SATB2: variants seen among roughly 807,000 people sequenced by gnomAD.
The protein encoded by SATB2 is SATB homeobox 2, also known as DNA-binding protein SATB2.
SATB2 carries 1 observed loss-of-function variant against 73.4 expected under a neutral mutation model. The observed-to-expected ratio is 0.01, with a 90% CI of 0.00 to 0.06. The LOEUF (loss-of-function observed/expected upper bound fraction) is 0.06, where lower values mean the gene tolerates loss of function less well. SATB2 is among the 10% of genes least tolerant of loss of function. SATB2 has a pLI of 1.00. For missense variants in SATB2, 459 were observed against 945.8 expected, an observed-to-expected ratio of 0.49 and a Z score of 6.75; for synonymous variants, 397 against 367.0, an observed-to-expected ratio of 1.08 and a Z score of -0.93.
intron 10 of SATB2, among the ~76,000 whole-genome samples, chr2:199,281,293 C>T (rs1375429705): frequency 6.8e-6 from 1 of 147,744 alleles, no homozygotes. Context: ...TGTATATATA[C>T]ATATATATGA....
intron 2 of SATB2, among the ~76,000 whole-genome samples, chr2:199,447,347 G>A (rs1448651141): frequency 6.6e-6 from 1 of 152,196 alleles, no homozygotes; most frequent in East Asian, 1.9e-4. Flanking sequence ...ACAGTCAGGT[G>A]AGTACACCTC....
At chr2:199,417,089 T>C (rs1691016216) in intron 3 of SATB2, among the ~76,000 whole-genome samples, 1 of 147,500 alleles carries the variant, frequency 6.8e-6, no homozygotes, top group Non-Finnish European at 1.5e-5. Context: ...AAAAAATAAA[T>C]AAAATAACAT....
chr2:199,462,125 G>C (rs1559070564), upstream of SATB2, among the ~76,000 whole-genome samples: 1 of 152,326 alleles, frequency 6.6e-6, no homozygotes, highest in East Asian at 1.9e-4. The surrounding 1 kb of genome is among the most constrained non-coding windows in gnomAD (Gnocchi z 5.9). Context: ...AAGAGCCCTG[G>C]AAAGTTGCGC....
rs1330451308 is a variant in SATB2 at position 199,455,342 on chromosome 2, T to C, written c.169+527A>G. 6.6e-6 allele frequency among the ~76,000 whole-genome samples: 1 copy of C among 152,246 alleles called. No homozygotes were observed. The highest frequency in any genetic ancestry group is 1.5e-5 in the Non-Finnish European group (1 of 68,042). ...AGCATTTAAGCTTCTAAGGGCCTGATGGATTCATGGTGATTCTTTATTTCC... is the reference window on the plus strand; with the variant it reads ...AGCATTTAAGCTTCTAAGGGCCTGACGGATTCATGGTGATTCTTTATTTCC... On this transcript the variant is annotated intron_variant, in intron 2 of 10. Transcript: ENST00000417098. This position sits in a 1 kb window ranked among gnomAD's most constrained non-coding sequence, Gnocchi z 4.1.
intron 10 of SATB2, among the ~76,000 whole-genome samples, chr2:199,298,359 C>T (rs1687179827): frequency 6.6e-6 from 1 of 152,156 alleles, no homozygotes; most frequent in Non-Finnish European, 1.5e-5. Flanking sequence ...CCTCTCTATC[C>T]AAACACCTCG....
chr2:199,291,764 T>C lies in SATB2; in HGVS notation c.1740+16996A>G, dbSNP rs145619167. On this transcript the variant is annotated intron_variant, in intron 10 of 10. Transcript: ENST00000417098. The stretch of plus-strand genomic sequence containing the variant: ...CTAGTCACCACTAAAAATACAAAAA[T>C]TAGCCAGGCATGGTGGCACACACCT... Among the ~76,000 whole-genome samples the C allele has an allele frequency of 3.3e-3, 500 of 151,872 alleles. 4 individuals carry two copies. The highest frequency in any genetic ancestry group is 0.012 in the African/African-American group (477 of 41,388).
chr2:199,360,957 A>G (rs917205347), intron 6 of SATB2, among the ~76,000 whole-genome samples: 1 of 151,868 alleles, frequency 6.6e-6, no homozygotes, highest in Non-Finnish European at 1.5e-5. Flanking sequence ...CTGGTAACTC[A>G]TCTTCCCTTG....
chr2:199,392,344 G>A (rs1018390029), intron 3 of SATB2, among the ~76,000 whole-genome samples: 1 of 151,878 alleles, frequency 6.6e-6, no homozygotes, highest in Non-Finnish European at 1.5e-5. Context: ...TAGGGCTAAG[G>A]TGCACTGTAA....
chr2:199,381,958 GC>G, intron 3 of SATB2, 138 bp from the exon 4 acceptor site: 1 of 955,994 alleles, frequency 1.0e-6, no homozygotes, highest in Non-Finnish European at 1.6e-6. Flanking sequence ...AGTGCAATAA[GC>G]TATTTCTTTC....
intron 5 of SATB2, among the ~76,000 whole-genome samples, chr2:199,378,927 TAC>T (rs1321233956): frequency 1.3e-5 from 2 of 152,226 alleles, no homozygotes; most frequent in African/African-American, 4.8e-5. Context: ...TACATGCTCT[TAC>T]CCAATAGCCT....
chr2:199,335,946 T>C (rs999948407), intron 7 of SATB2, among the ~76,000 whole-genome samples: 2 of 152,186 alleles, frequency 1.3e-5, no homozygotes, highest in African/African-American at 4.8e-5. Context: ...AGTGAGTAGA[T>C]ACAACAGAGC....
chr2:199,384,402 T>A (rs1418432462), intron 3 of SATB2, among the ~76,000 whole-genome samples: 2 of 152,250 alleles, frequency 1.3e-5, no homozygotes, highest in African/African-American at 4.8e-5. Context: ...GTACAAGATC[T>A]GCTAGGAGAG....
intron 9 of SATB2, among the ~76,000 whole-genome samples, chr2:199,314,341 A>G (rs1687672691): frequency 6.6e-6 from 1 of 152,178 alleles, no homozygotes; most frequent in Admixed American, 6.5e-5. Flanking sequence ...ACTCAAATTC[A>G]GAAAGTTATT....
At chr2:199,353,523 T>G (rs1211253913) in intron 6 of SATB2, among the ~76,000 whole-genome samples, 1 of 152,106 alleles carries the variant, frequency 6.6e-6, no homozygotes, top group Non-Finnish European at 1.5e-5. Context: ...AATATCAGAA[T>G]AACGTTTTTA....
chr2:199,455,588 C>G lies in SATB2; in HGVS notation c.169+281G>C, dbSNP rs1381574996. Reference sequence around the variant, plus strand: ...TCACTAAAAAGCTCTCTAGGAAAATCTAGAAACAGTTAGCTGGCTGTGACA... The same window carrying G: ...TCACTAAAAAGCTCTCTAGGAAAATGTAGAAACAGTTAGCTGGCTGTGACA... On this transcript the variant is annotated intron_variant, in intron 2 of 10. Transcript: ENST00000417098. The surrounding 1 kb of genome is among the most constrained non-coding windows in gnomAD (Gnocchi z 4.1). Among the ~76,000 whole-genome samples, 1 of 152,220 alleles carries G rather than the reference C, an allele frequency of 6.6e-6. No individual in the cohort carries two copies. The highest frequency in any genetic ancestry group is 1.5e-5 in the Non-Finnish European group (1 of 68,034).
At chr2:199,355,431 G>A (rs1477380768) in intron 6 of SATB2, among the ~76,000 whole-genome samples, 1 of 147,944 alleles carries the variant, frequency 6.8e-6, no homozygotes, top group Admixed American at 6.9e-5. Flanking sequence ...TTGCAATTAT[G>A]TAAAGTAAAT....
At chr2:199,321,972 C>T (rs1391438212) in intron 9 of SATB2, among the ~76,000 whole-genome samples, 1 of 152,258 alleles carries the variant, frequency 6.6e-6, no homozygotes, top group African/African-American at 2.4e-5. Flanking sequence ...CCAAATTCTA[C>T]GAAATCAGGG....
intron 9 of SATB2, among the ~76,000 whole-genome samples, chr2:199,319,683 GA>G (rs1687831517): frequency 6.6e-6 from 1 of 150,960 alleles, no homozygotes; most frequent in African/African-American, 2.4e-5. Flanking sequence ...AACCTAGTAG[GA>G]AAAAACAATC....
intron 7 of SATB2, among the ~76,000 whole-genome samples, chr2:199,340,425 G>A (rs1033983486): frequency 2.0e-5 from 3 of 152,144 alleles, no homozygotes; most frequent in Non-Finnish European, 4.4e-5. Context: ...ATGAACTGAA[G>A]GAGCAAGATA....
Sources: gnomAD v4.1 joint callset for allele counts (sites outside exome capture counted in the v4.1 genomes callset) on GRCh38, gnomAD v4.1.1 for gene constraint, Gnocchi (gnomAD v3.1) non-coding constraint, MANE v1.5 for transcripts, NCBI Gene and HGNC (gene_info 2026-07-23, HGNC 2026-07-21) for gene names.